The following UNC5D variants were observed in gnomAD, a reference collection of about 807,000 sequenced individuals.
UNC5D encodes the protein unc-5 netrin receptor D.
In UNC5D, 39 loss-of-function variants were observed where a neutral mutation model predicts 105.4. The ratio of observed to expected loss-of-function variants is 0.37; its 90% CI spans 0.29 to 0.48. UNC5D has a LOEUF of 0.48. Ranked by LOEUF, UNC5D falls within the 20% of genes least tolerant of loss-of-function variation. UNC5D has a pLI of 0.98. For synonymous variants in UNC5D, 452 were observed against 450.4 expected, an observed-to-expected ratio of 1.00 and a Z score of -0.04; for missense variants, 991 against 1,202.4, an observed-to-expected ratio of 0.82 and a Z score of 2.60.
intron 1 of UNC5D, among the ~76,000 whole-genome samples, chr8:35,239,699 G>T (rs538606967): frequency 1.3e-5 from 2 of 152,010 alleles, no homozygotes; most frequent in South Asian, 4.2e-4. Flanking sequence ...AATGCTGATT[G>T]TCCCTTCGTC....
intron 4 of UNC5D, among the ~76,000 whole-genome samples, chr8:35,613,018 G>T (rs1452910406): frequency 6.6e-6 from 1 of 152,114 alleles, no homozygotes; most frequent in East Asian, 1.9e-4. Flanking sequence ...TGGTGGCAGA[G>T]GTACCCCACT....
At chr8:35,607,747 T>C (rs997048290) in intron 4 of UNC5D, among the ~76,000 whole-genome samples, 1 of 152,034 alleles carries the variant, frequency 6.6e-6, no homozygotes, top group African/African-American at 2.4e-5. Context: ...TTCTCCTTCC[T>C]GCTGTCTTGT....
chr8:35,629,658 G>A lies in UNC5D; in HGVS notation c.570+34001G>A, dbSNP rs1471902128. ...CCCCACCATTACACAATATACCCAC[G>A]TAACAATCATGTACATGGATCCCCC... is the stretch of plus-strand genomic sequence containing the variant. On this transcript the variant is annotated intron_variant, in intron 4 of 16. Coordinates refer to ENST00000404895, the MANE Select transcript of UNC5D (RefSeq NM_080872.4). 4.6e-5 allele frequency among the ~76,000 whole-genome samples: 7 copies of A among 152,094 alleles called. No individual in the cohort carries two copies. The South Asian group carries it at 6.2e-4, about 14-fold the overall frequency.
intron 4 of UNC5D, among the ~76,000 whole-genome samples, chr8:35,657,072 GTGTGTGTGTA>G (rs1563637564): frequency 4.0e-5 from 4 of 99,066 alleles, no homozygotes; most frequent in African/African-American, 1.9e-4. Flanking sequence ...GTGTGTGTGT[GTGTGTGTGTA>G]TATATATATA....
chr8:35,245,464 A>T (rs756887481), intron 1 of UNC5D, among the ~76,000 whole-genome samples: 4 of 152,136 alleles, frequency 2.6e-5, no homozygotes, highest in African/African-American at 7.2e-5. Flanking sequence ...AGCAGCTTGT[A>T]TCGGGAGGTT....
intron 4 of UNC5D, among the ~76,000 whole-genome samples, chr8:35,605,958 C>A (rs1216535656): frequency 6.6e-6 from 1 of 151,382 alleles, no homozygotes; most frequent in Non-Finnish European, 1.5e-5. Context: ...TCTCCTGTAC[C>A]TTCCCCCTCA....
intron 6 of UNC5D, among the ~76,000 whole-genome samples, chr8:35,685,659 CATA>C (rs1825958337): frequency 6.6e-6 from 1 of 152,142 alleles, no homozygotes; most frequent in South Asian, 2.1e-4. Context: ...CTTTTACATA[CATA>C]ATGTTGTTTA....
intron 1 of UNC5D, among the ~76,000 whole-genome samples, chr8:35,439,994 GT>G (rs1449297694): frequency 2.6e-5 from 4 of 152,004 alleles, no homozygotes; most frequent in African/African-American, 4.8e-5. Context: ...ATATAGAGAT[GT>G]AAAGGTCACA....
intron 4 of UNC5D, among the ~76,000 whole-genome samples, chr8:35,655,647 T>C (rs1347888801): frequency 3.3e-5 from 5 of 152,190 alleles, no homozygotes; most frequent in African/African-American, 1.2e-4. Flanking sequence ...TAGTTCATAA[T>C]ATAAGATTGA....
At chr8:35,666,328 T>C (rs544249066) in intron 4 of UNC5D, among the ~76,000 whole-genome samples, 134 of 152,192 alleles carry the variant, frequency 8.8e-4, no homozygotes, top group Non-Finnish European at 1.6e-3. Context: ...TACATTGCAT[T>C]GGAAAGAAGT....
chr8:35,512,184 C>T (rs990112107), intron 1 of UNC5D, among the ~76,000 whole-genome samples: 1 of 151,740 alleles, frequency 6.6e-6, no homozygotes, highest in Non-Finnish European at 1.5e-5. Context: ...AGCATAAGTT[C>T]AAAAGTTTAC....
chr8:35,427,907 A>G (rs1277950278), intron 1 of UNC5D, among the ~76,000 whole-genome samples: 1 of 152,212 alleles, frequency 6.6e-6, no homozygotes, highest in Admixed American at 6.5e-5. Context: ...CAGTGCATGT[A>G]AAAACTCACT....
chr8:35,721,317 A>G lies in UNC5D; in HGVS notation c.1118-893A>G, dbSNP rs1212970537. 3 of 659,686 alleles carry G rather than the reference A, an allele frequency of 4.5e-6. No homozygotes were observed. The African/African-American group carries it at 5.4e-5, about 12-fold the overall frequency. The allele number at this position is 659,686 out of a possible 1,614,324, so 40.9% of individuals were successfully genotyped here. A position where few individuals can be genotyped will look rare whatever the true frequency, so the allele number is the denominator to read the frequency against. On this transcript the variant is annotated intron_variant, in intron 8 of 16. Coordinates refer to ENST00000404895, the MANE Select transcript of UNC5D (RefSeq NM_080872.4). The stretch of plus-strand genomic sequence containing the variant: ...TTGCAGGAGCCATCATGGATCTGCT[A>G]CAGGAATAACCACATCCAACGCACC...
chr8:35,345,916 A>G (rs1372280342), intron 1 of UNC5D, among the ~76,000 whole-genome samples: 1 of 152,036 alleles, frequency 6.6e-6, no homozygotes, highest in Non-Finnish European at 1.5e-5. Context: ...AGATTTGCAC[A>G]CTTTATTATG....
intron 1 of UNC5D, among the ~76,000 whole-genome samples, chr8:35,267,169 G>A (rs553696712): frequency 1.0e-4 from 15 of 149,710 alleles, no homozygotes; most frequent in Non-Finnish European, 2.2e-4. Flanking sequence ...AATTTTGCAA[G>A]TGTAATCACT....
At position 35,748,548 on chromosome 8, in the gene UNC5D, G is replaced by T. The variant is rs777812144; in HGVS notation, c.1788G>T (p.Glu596Asp). ...GEPSLQSDGSEVLLSPEVTCG... is the reference protein window; with the variant it reads ...GEPSLQSDGSDVLLSPEVTCG... Reference sequence around the variant, plus strand: ...GAAGCCTCCAGTCAGATGGCTCTGAGGTGCTCCTGAGTCCTGAAGTCACCT... The same window carrying T: ...GAAGCCTCCAGTCAGATGGCTCTGATGTGCTCCTGAGTCCTGAAGTCACCT... The change falls in exon 12 of 17, where the codon GAG becomes GAT. Residue 596 changes from glutamate to aspartate, a missense_variant. This residue lies in a region of UNC5D where 944 missense variants were observed against 1,131.6 expected (regional missense o/e 0.83). Transcript: ENST00000404895. The T allele has an allele frequency of 6.2e-7, 1 of 1,613,864 alleles. No homozygotes were observed. Among genetic ancestry groups the T allele is most frequent in the Non-Finnish European group, 8.5e-7 (1 of 1,179,862 alleles).
At chr8:35,302,840 T>C (rs775869662) in intron 1 of UNC5D, among the ~76,000 whole-genome samples, 3 of 152,168 alleles carry the variant, frequency 2.0e-5, no homozygotes, top group African/African-American at 7.2e-5. Flanking sequence ...ATACTTTATA[T>C]GTATACATTT....
intron 1 of UNC5D, among the ~76,000 whole-genome samples, chr8:35,464,529 C>T (rs1223552457): frequency 6.6e-6 from 1 of 152,172 alleles, no homozygotes; most frequent in African/African-American, 2.4e-5. Flanking sequence ...GCTGACTGCT[C>T]AGCCTATGTG....
At chr8:35,716,724 T>A (rs1166887383) in intron 8 of UNC5D, among the ~76,000 whole-genome samples, 4 of 152,168 alleles carry the variant, frequency 2.6e-5, no homozygotes, top group African/African-American at 9.7e-5. Context: ...GGTTGGGAAA[T>A]TGGAAAGGCA....
Sources: gnomAD v4.1 joint callset for allele counts (sites outside exome capture counted in the v4.1 genomes callset) on GRCh38, gnomAD v4.1.1 for gene constraint, gnomAD v4.1.1 regional missense constraint, MANE v1.5 for transcripts, NCBI Gene and HGNC (gene_info 2026-07-23, HGNC 2026-07-21) for gene names.